The following RTP2 variants were observed in gnomAD, a reference collection of about 807,000 sequenced individuals.
RTP2 encodes receptor-transporting protein 2.
In RTP2, 12 loss-of-function variants were observed where a neutral mutation model predicts 17.9. The ratio of observed to expected loss-of-function variants is 0.67; its 90% CI spans 0.43 to 1.09. RTP2 has a LOEUF of 1.09. RTP2 is among the 50% of genes least tolerant of loss of function. RTP2 has a pLI of 0.00. For missense variants in RTP2, 327 were observed against 295.7 expected, an observed-to-expected ratio of 1.11 and a Z score of -0.78; for synonymous variants, 126 against 117.7, an observed-to-expected ratio of 1.07 and a Z score of -0.46.
chr3:187,701,950 C>A lies in RTP2; in HGVS notation c.164+15G>T, dbSNP rs146438083. On this transcript the variant is annotated intron_variant, in intron 1 of 1. Transcript: ENST00000358241. The stretch of plus-strand genomic sequence containing the variant: ...AGGGGCTGTCTGCAAGGTCCCTCCC[C>A]ACTGAACCTCTCACCTGCCTGAGGC... 1.2e-4 allele frequency: 188 copies of A among 1,573,866 alleles called. 3 individuals are homozygous for A. The African/African-American group carries it at 2.4e-3, about 20-fold the overall frequency.
chr3:187,698,781 T>A (rs768061618), exon 2 of RTP2: 1 of 1,613,908 alleles, frequency 6.2e-7, no homozygotes, highest in East Asian at 2.2e-5. Context: ...GCCACCATCC[T>A]CCTCGTAGCA....
intron 1 of RTP2, among the ~76,000 whole-genome samples, chr3:187,699,729 C>CCA (rs1328615413): frequency 0.019 from 2,209 of 116,168 alleles, 26 homozygotes; most frequent in African/African-American, 0.032. Context: ...CATTGCCACT[C>CCA]CACACACACA....
At chr3:187,707,414 C>T (rs1041226686), upstream of RTP2, among the ~76,000 whole-genome samples, 6 of 152,058 alleles carry the variant, frequency 3.9e-5, no homozygotes, top group African/African-American at 1.4e-4. Context: ...AAGGCTTCCA[C>T]AGAAGGAGTG....
chr3:187,702,210 G>C, exon 1 of RTP2: 3 of 1,370,212 alleles, frequency 2.2e-6, no homozygotes, highest in Non-Finnish European at 3.0e-6. Context: ...GGACAATTCA[G>C]TGTCTACGGT....
upstream of RTP2, among the ~76,000 whole-genome samples, chr3:187,705,046 G>C (rs1330005843): frequency 6.6e-6 from 1 of 152,088 alleles, no homozygotes; most frequent in Non-Finnish European, 1.5e-5. Context: ...TATTAAGAGT[G>C]ACTATATCTA....
chr3:187,708,651 G>C, the RTP2 span, among the ~76,000 whole-genome samples: 1 of 152,166 alleles, frequency 6.6e-6, no homozygotes, highest in Admixed American at 6.5e-5. Context: ...CTAGTTGCAG[G>C]AGCTGACCTT....
intron 1 of RTP2, among the ~76,000 whole-genome samples, chr3:187,701,273 G>A (rs1717839409): frequency 6.6e-6 from 1 of 152,204 alleles, no homozygotes; most frequent in South Asian, 2.1e-4. Context: ...TTGCCCTGTG[G>A]TAGATGTGCA....
intron 1 of RTP2, among the ~76,000 whole-genome samples, chr3:187,700,759 T>C (rs375321089): frequency 2.0e-5 from 3 of 152,116 alleles, no homozygotes; most frequent in South Asian, 2.1e-4. Flanking sequence ...GAAGCCCAGA[T>C]AGTAAGAGAG....
chr3:187,703,779 C>T (rs7619337), upstream of RTP2, among the ~76,000 whole-genome samples: 58,145 of 152,000 alleles, frequency 0.38, 12,158 homozygotes, highest in African/African-American at 0.57. Flanking sequence ...ATAGTATACC[C>T]TTGTTCCCAG....
At chr3:187,715,045 T>C in the RTP2 span, among the ~76,000 whole-genome samples, 1 of 147,488 alleles carries the variant, frequency 6.8e-6, no homozygotes, top group South Asian at 2.1e-4. Context: ...AGGTTACAGG[T>C]TACAGGTTAC....
the RTP2 span, among the ~76,000 whole-genome samples, chr3:187,708,935 A>G: frequency 1.3e-5 from 2 of 149,510 alleles, no homozygotes; most frequent in African/African-American, 4.9e-5. Context: ...ATATTTGTCC[A>G]CTAAGCTATT....
exon 1 of RTP2, chr3:187,701,987 G>A: frequency 6.2e-7 from 1 of 1,608,776 alleles, no homozygotes; most frequent in Middle Eastern, 1.7e-4. Flanking sequence ...TGCTGCTCCA[G>A]GTACTGCTTC....
At chr3:187,710,958 A>T in the RTP2 span, among the ~76,000 whole-genome samples, 1 of 152,156 alleles carries the variant, frequency 6.6e-6, no homozygotes, top group Non-Finnish European at 1.5e-5. Context: ...CCGAATTAGA[A>T]ATTTCAAAGG....
chr3:187,708,186 T>C, the RTP2 span, among the ~76,000 whole-genome samples: 1 of 152,180 alleles, frequency 6.6e-6, no homozygotes, highest in Non-Finnish European at 1.5e-5. Context: ...ATGTGACAAA[T>C]GAACACAGAC....
chr3:187,704,548 A>T (rs1717942697), upstream of RTP2, among the ~76,000 whole-genome samples: 1 of 152,154 alleles, frequency 6.6e-6, no homozygotes, highest in Non-Finnish European at 1.5e-5. Context: ...AGGCTACTGG[A>T]GGCCAAAAAT....
At chr3:187,709,970 A>G in the RTP2 span, among the ~76,000 whole-genome samples, 3 of 152,164 alleles carry the variant, frequency 2.0e-5, no homozygotes, top group Non-Finnish European at 4.4e-5. Context: ...GTGCTCAAAT[A>G]TCTGCTTGGA....
intron 1 of RTP2, among the ~76,000 whole-genome samples, chr3:187,701,056 C>T (rs947398751): frequency 6.6e-6 from 1 of 152,172 alleles, no homozygotes; most frequent in Admixed American, 6.5e-5. Flanking sequence ...CCTTTGTGTC[C>T]ATGTTCTGGC....
chr3:187,709,502 A>G, the RTP2 span, among the ~76,000 whole-genome samples: 2 of 152,240 alleles, frequency 1.3e-5, no homozygotes, highest in South Asian at 4.1e-4. Context: ...TGGTCAACAT[A>G]GTGAAACCCC....
At position 187,701,952 on chromosome 3, in the gene RTP2, C is replaced by T. The variant is rs1218169585; in HGVS notation, c.164+13G>A. ...GGGCTGTCTGCAAGGTCCCTCCCCA[C>T]TGAACCTCTCACCTGCCTGAGGCGT... On this transcript the variant is annotated intron_variant, in intron 1 of 1. Coordinates refer to ENST00000358241, the Ensembl canonical transcript of RTP2. 6.3e-7 allele frequency: 1 copy of T among 1,576,208 alleles called. No homozygotes were observed. The highest frequency in any genetic ancestry group is 1.3e-5 in the African/African-American group (1 of 74,136).
Sources: gnomAD v4.1 joint callset for allele counts (sites outside exome capture counted in the v4.1 genomes callset) on GRCh38, gnomAD v4.1.1 for gene constraint, MANE v1.5 for transcripts, NCBI Gene and HGNC (gene_info 2026-07-23, HGNC 2026-07-21) for gene names.